TJP1: variants seen among roughly 807,000 people sequenced by gnomAD.
TJP1 encodes the protein tight junction protein 1, also known as tight junction protein ZO-1.
A neutral mutation model predicts 194.2 loss-of-function variants in TJP1; 43 were observed. That is an observed-to-expected ratio of 0.22 (90% CI 0.17 to 0.29). TJP1 has a LOEUF of 0.29. TJP1 is among the 10% of genes least tolerant of loss of function. TJP1 has a pLI of 1.00. For missense variants in TJP1, 1,971 were observed against 2,185.7 expected, an observed-to-expected ratio of 0.90 and a Z score of 1.96; for synonymous variants, 801 against 779.0, an observed-to-expected ratio of 1.03 and a Z score of -0.47.
chr15:29,879,535 G>A (rs971409840), intron 2 of TJP1, among the ~76,000 whole-genome samples: 4 of 152,064 alleles, frequency 2.6e-5, no homozygotes, highest in African/African-American at 9.7e-5. Context: ...TTATTAGTCG[G>A]GTGAACTTTT....
At chr15:29,919,271 AG>A (rs1454958915) in intron 2 of TJP1, among the ~76,000 whole-genome samples, 2 of 152,248 alleles carry the variant, frequency 1.3e-5, no homozygotes, top group African/African-American at 4.8e-5. Flanking sequence ...GAAAAGTCCC[AG>A]GAACAGGGGC....
chr15:29,845,385 C>T (rs937322875), intron 2 of TJP1, among the ~76,000 whole-genome samples: 3 of 152,024 alleles, frequency 2.0e-5, no homozygotes, highest in African/African-American at 7.3e-5. Flanking sequence ...CCCAGAGATA[C>T]AAAAGGAAAT....
chr15:29,745,318 CTT>C (rs893452964), intron 8 of TJP1, among the ~76,000 whole-genome samples: 2 of 79,478 alleles, frequency 2.5e-5, no homozygotes, highest in Admixed American at 1.1e-4. Flanking sequence ...AAAAAAAAAA[CTT>C]AATGAATATT....
chr15:29,953,117 C>A (rs2055811751), intron 2 of TJP1, among the ~76,000 whole-genome samples: 1 of 142,070 alleles, frequency 7.0e-6, no homozygotes, highest in South Asian at 2.3e-4. Flanking sequence ...CCCCCCTCTT[C>A]CTTCTTTCAT....
At position 29,720,593 on chromosome 15, in the gene TJP1, T is replaced by C. The variant is rs773562305; in HGVS notation, c.2528A>G (p.Tyr843Cys). 4 of 1,614,186 alleles carry C rather than the reference T, an allele frequency of 2.5e-6. No individual in the cohort carries two copies. The highest frequency in any genetic ancestry group is 1.1e-5 in the South Asian group (1 of 91,080). ...YSTDSRHTSD[Y>C]EDTDTEGGAY... ...CCCGCCTTCTGTGTCTGTGTCTTCATAGTCAGAAGTGTGTCTACTGTCCGT... is the reference window on the plus strand; with the variant it reads ...CCCGCCTTCTGTGTCTGTGTCTTCACAGTCAGAAGTGTGTCTACTGTCCGT... The change falls in exon 19 of 28, where the codon TAT becomes TGT. Residue 843 changes from tyrosine (Y) to cysteine (C), a missense_variant. Physicochemically the swap from Tyr to Cys is radical, Grantham distance 194. Coordinates refer to ENST00000614355, the MANE Select transcript of TJP1 (RefSeq NM_001330239.4).
intron 2 of TJP1, among the ~76,000 whole-genome samples, chr15:29,846,562 T>C (rs1190223945): frequency 2.0e-5 from 3 of 151,978 alleles, no homozygotes; most frequent in Non-Finnish European, 4.4e-5. Context: ...TTGAAGAGGT[T>C]AGGGAGGTCC....
chr15:29,710,724 G>GT, intron 24 of TJP1, 107 bp downstream of exon 24: 1 of 1,412,656 alleles, frequency 7.1e-7, no homozygotes, highest in Admixed American at 1.8e-5. Context: ...CAGCCCAAAG[G>GT]TTTCAAGCAT....
At chr15:29,964,496 G>A (rs1340824677) in intron 1 of TJP1, among the ~76,000 whole-genome samples, 4 of 152,266 alleles carry the variant, frequency 2.6e-5, no homozygotes, top group Admixed American at 2.6e-4. Context: ...ATGGATTGAT[G>A]CAGCCACAAA....
chr15:29,834,335 C>T (rs932867160), intron 2 of TJP1, among the ~76,000 whole-genome samples: 6 of 151,994 alleles, frequency 3.9e-5, no homozygotes, highest in African/African-American at 9.7e-5. Flanking sequence ...AATTCTCTGC[C>T]TCAGCCTCCA....
chr15:29,967,161 A>G (rs1434564527), intron 1 of TJP1, among the ~76,000 whole-genome samples: 4 of 151,878 alleles, frequency 2.6e-5, no homozygotes, highest in Admixed American at 1.3e-4. Flanking sequence ...TTACAGCCAC[A>G]CACCACCATG....
chr15:29,845,375 C>T (rs1162232814), intron 2 of TJP1, among the ~76,000 whole-genome samples: 1 of 151,998 alleles, frequency 6.6e-6, no homozygotes, highest in Non-Finnish European at 1.5e-5. Context: ...GAATGGAAGC[C>T]CCAGAGATAC....
intron 2 of TJP1, among the ~76,000 whole-genome samples, chr15:29,880,937 C>A (rs894384317): frequency 6.6e-6 from 1 of 152,140 alleles, no homozygotes; most frequent in Non-Finnish European, 1.5e-5. Flanking sequence ...ATCCTGTTTT[C>A]GCTTCTTTTG....
At chr15:29,875,570 T>G (rs1347563721) in intron 2 of TJP1, among the ~76,000 whole-genome samples, 1 of 152,122 alleles carries the variant, frequency 6.6e-6, no homozygotes, top group Non-Finnish European at 1.5e-5. Context: ...TATTTTTTTA[T>G]TTTTATTTTT....
In TJP1 at chr15:29,814,407, ATGTGT is replaced by A. The variant is rs2049754337; in HGVS notation, c.27+7590_27+7594del. On this transcript the variant is annotated intron_variant, in intron 1 of 27. Coordinates refer to ENST00000614355, the MANE Select transcript of TJP1 (RefSeq NM_001330239.4). ...CCCAAACAAAATGTACTCATTTAAT[ATGTGT>A]TAAGCTAACAAAAAGAATTAGTCAT... Among the ~76,000 whole-genome samples, 3 of 152,236 alleles carry A rather than the reference ATGTGT, an allele frequency of 2.0e-5. No homozygotes were observed. In the East Asian group the frequency reaches 5.8e-4, roughly 29 times the overall value.
At chr15:29,944,400 T>C (rs749283066) in intron 2 of TJP1, among the ~76,000 whole-genome samples, 1 of 152,090 alleles carries the variant, frequency 6.6e-6, no homozygotes, top group Non-Finnish European at 1.5e-5. Context: ...CGGCCTTGAC[T>C]TTTTAGTATC....
chr15:29,881,644 C>A (rs997919420), intron 2 of TJP1, among the ~76,000 whole-genome samples: 10 of 152,150 alleles, frequency 6.6e-5, no homozygotes, highest in African/African-American at 2.2e-4. Context: ...TAATGTTCAT[C>A]ATCTGTTACT....
At chr15:29,727,109 C>T (rs1242230947) in intron 16 of TJP1, 118 bp from the exon 17 acceptor site, 29 of 839,384 alleles carry the variant, frequency 3.5e-5, no homozygotes, top group Admixed American at 5.0e-5. Flanking sequence ...TTTGGGAGGT[C>T]GAGGTGGGTG....
At chr15:29,728,260 T>C (rs2043368935) in intron 15 of TJP1, 2 of 414,594 alleles carry the variant, frequency 4.8e-6, no homozygotes, top group East Asian at 4.0e-5. Context: ...AGAAAAAATA[T>C]ACAGGAATGC....
intron 1 of TJP1, among the ~76,000 whole-genome samples, chr15:29,958,401 T>C (rs543108407): frequency 6.2e-4 from 95 of 152,194 alleles, no homozygotes; most frequent in African/African-American, 2.2e-3. Context: ...AGAAACTTAA[T>C]CCATTCAAAT....
Sources: allele counts gnomAD v4.1 joint callset (sites outside exome capture counted in the v4.1 genomes callset), GRCh38; gene constraint gnomAD v4.1.1; transcripts MANE v1.5; gene names NCBI Gene and HGNC (gene_info 2026-07-23, HGNC 2026-07-21).